The following KAZN variants were observed in gnomAD, a reference collection of about 807,000 sequenced individuals.
The protein encoded by KAZN is kazrin.
A neutral mutation model predicts 87.4 loss-of-function variants in KAZN; 40 were observed. The observed-to-expected ratio is 0.46, with a 90% confidence interval of 0.36 to 0.60. The LOEUF is 0.60. KAZN is among the 20% of genes least tolerant of loss of function. The pLI, the probability that KAZN is intolerant of heterozygous loss-of-function variation, is 0.00. For synonymous variants in KAZN, 466 were observed against 458.3 expected (o/e 1.02, Z -0.22); for missense variants, 898 against 1,073.9 (o/e 0.84, Z 2.29).
At chr1:14,121,127 C>T (rs1272237682) in intron 1 of KAZN, among the ~76,000 whole-genome samples, 1 of 152,134 alleles carries the variant, frequency 6.6e-6, no homozygotes, top group Non-Finnish European at 1.5e-5. Context: ...GCTGTGCGTA[C>T]CATGGATATT....
chr1:14,718,073 G>T (rs1036467419), intron 1 of KAZN, among the ~76,000 whole-genome samples: 1 of 152,200 alleles, frequency 6.6e-6, no homozygotes, highest in Non-Finnish European at 1.5e-5. Flanking sequence ...ATTGGCTGCT[G>T]GTCACCAGCG....
At chr1:14,776,049 G>C (rs10927545) in intron 1 of KAZN, among the ~76,000 whole-genome samples, 5 of 151,878 alleles carry the variant, frequency 3.3e-5, no homozygotes, top group African/African-American at 7.3e-5. Flanking sequence ...TTGCTCTGAC[G>C]CCCAGGCTGG....
At position 14,246,928 on chromosome 1, in the gene KAZN, A is replaced by G. The variant is rs1338681355; in HGVS notation, c.249+66336A>G. Among the ~76,000 whole-genome samples, 8 of 152,304 alleles carry G rather than the reference A, an allele frequency of 5.3e-5. No homozygotes were observed. The East Asian group carries it at 5.8e-4, about 11-fold the overall frequency. On this transcript the variant is annotated intron_variant, in intron 2 of 16. Transcript: ENST00000636203. ...GTGATTTCTGAGTCTCCAGAAATGC[A>G]TATCTTAAAATAACCCAGCTCATGC...
At position 15,099,549 on chromosome 1, in the gene KAZN, G is replaced by C. The variant is rs1455538428; in HGVS notation, c.1548-1994G>C. Among the ~76,000 whole-genome samples the C allele has an allele frequency of 6.6e-6, 1 of 152,158 alleles. No homozygotes were observed. Among genetic ancestry groups the C allele is most frequent in the African/African-American group, 2.4e-5 (1 of 41,436 alleles). ...AAGGGGCTGGCCGGGGAGGGGAATG[G>C]GGGGTGAAGAGCTCAGTGCCTCCAG... On this transcript the variant is annotated intron_variant, in intron 10 of 14. Coordinates refer to ENST00000376030, the MANE Select transcript of KAZN (RefSeq NM_201628.3). The surrounding 1 kb of genome is among the most constrained non-coding windows in gnomAD (Gnocchi z 5.4).
chr1:14,446,043 T>C (rs544182624), intron 2 of KAZN, among the ~76,000 whole-genome samples: 1 of 150,896 alleles, frequency 6.6e-6, no homozygotes, highest in Non-Finnish European at 1.5e-5. Flanking sequence ...AAAAAAAAAT[T>C]AAGTTAGCCA....
At chr1:14,615,821 A>G (rs1218510311) in intron 1 of KAZN, among the ~76,000 whole-genome samples, 1 of 152,218 alleles carries the variant, frequency 6.6e-6, no homozygotes, top group East Asian at 1.9e-4. Flanking sequence ...GGCATTTGGT[A>G]AGACTTCTCT....
At chr1:15,048,508 C>A (rs1248251209) in intron 4 of KAZN, among the ~76,000 whole-genome samples, 1 of 152,236 alleles carries the variant, frequency 6.6e-6, no homozygotes, top group Non-Finnish European at 1.5e-5. Flanking sequence ...CCGTTGCCCC[C>A]GCAGGAGCCT....
intron 2 of KAZN, among the ~76,000 whole-genome samples, chr1:14,278,393 C>T (rs994109599): frequency 1.3e-5 from 2 of 150,168 alleles, no homozygotes; most frequent in East Asian, 2.0e-4. Flanking sequence ...CGGACTCAAG[C>T]GATTCGCCAG....
At chr1:14,130,188 C>CT (rs1268646287) in intron 1 of KAZN, among the ~76,000 whole-genome samples, 2 of 152,148 alleles carry the variant, frequency 1.3e-5, no homozygotes, top group Non-Finnish European at 2.9e-5. Flanking sequence ...TCTCCTCTTT[C>CT]TTTTTTTCAT....
At chr1:14,922,700 G>A (rs1308058357) in intron 1 of KAZN, among the ~76,000 whole-genome samples, 4 of 150,842 alleles carry the variant, frequency 2.7e-5, no homozygotes, top group African/African-American at 7.3e-5. Context: ...GCTGAGGCAG[G>A]AGAATCGCTT....
intron 1 of KAZN, among the ~76,000 whole-genome samples, chr1:14,768,225 CTA>C (rs1437360003): frequency 1.1e-4 from 16 of 152,118 alleles, no homozygotes; most frequent in Non-Finnish European, 2.2e-4. Flanking sequence ...AAAGAGGACT[CTA>C]TTTATATGAC....
chr1:14,752,182 C>T (rs1572394008), intron 1 of KAZN, among the ~76,000 whole-genome samples: 1 of 152,172 alleles, frequency 6.6e-6, no homozygotes, highest in African/African-American at 2.4e-5. Context: ...GAAGAATCTG[C>T]CCCTATGACC....
At chr1:14,772,716 C>T (rs1454601620) in intron 1 of KAZN, among the ~76,000 whole-genome samples, 2 of 152,104 alleles carry the variant, frequency 1.3e-5, no homozygotes, top group East Asian at 1.9e-4. Context: ...TGCTGCATTT[C>T]CACGAATATC....
At chr1:14,272,217 G>A (rs1193751707) in intron 2 of KAZN, among the ~76,000 whole-genome samples, 1 of 152,082 alleles carries the variant, frequency 6.6e-6, no homozygotes, top group Non-Finnish European at 1.5e-5. Context: ...ATCTAGGCTG[G>A]GTTCAGGCAT....
At chr1:15,041,035 C>G (rs1672839273) in intron 3 of KAZN, among the ~76,000 whole-genome samples, 1 of 151,948 alleles carries the variant, frequency 6.6e-6, no homozygotes. Context: ...ACTGCAACTT[C>G]TGCCTCCTGA....
intron 1 of KAZN, among the ~76,000 whole-genome samples, chr1:14,854,069 G>T (rs939496060): frequency 2.6e-5 from 4 of 152,192 alleles, no homozygotes; most frequent in African/African-American, 7.2e-5. Context: ...AGCCCACCTG[G>T]AGGGCCATCA....
In KAZN at chr1:14,303,900, T is replaced by C. The variant is rs141023865; in HGVS notation, c.249+123308T>C. Among the ~76,000 whole-genome samples the C allele has an allele frequency of 4.2e-3, 643 of 152,276 alleles. 2 individuals carry two copies. The highest frequency in any genetic ancestry group is 0.014 in the African/African-American group (591 of 41,562). On this transcript the variant is annotated intron_variant, in intron 2 of 16. Transcript: ENST00000636203. ...AAATATAAGCAATAAACTCCTCAAA[T>C]CCTCATTCTCTCCAGTGCGTCATTT... is the stretch of plus-strand genomic sequence containing the variant.
intron 1 of KAZN, among the ~76,000 whole-genome samples, chr1:13,931,449 T>G (rs553474347): frequency 1.6e-4 from 24 of 149,226 alleles, no homozygotes; most frequent in Non-Finnish European, 2.7e-4. Context: ...GCCAGAGGGG[T>G]GTGTGTGTGT....
intron 1 of KAZN, among the ~76,000 whole-genome samples, chr1:14,621,750 C>T (rs894858233): frequency 2.6e-5 from 4 of 152,212 alleles, no homozygotes; most frequent in African/African-American, 7.2e-5. Flanking sequence ...TGCACAAACT[C>T]TGTTGTTTGC....
Sources: allele counts gnomAD v4.1 joint callset (sites outside exome capture counted in the v4.1 genomes callset), GRCh38; gene constraint gnomAD v4.1.1; non-coding constraint Gnocchi (gnomAD v3.1); transcripts MANE v1.5; gene names NCBI Gene and HGNC (gene_info 2026-07-23, HGNC 2026-07-21).